RAB27B: variants seen among roughly 807,000 people sequenced by gnomAD.
RAB27B encodes the protein ras-related protein Rab-27B.
RAB27B carries 15 observed loss-of-function variants against 24.6 expected under a neutral mutation model. That is an observed-to-expected ratio of 0.61 (90% CI 0.41 to 0.94). The LOEUF (loss-of-function observed/expected upper bound fraction) is 0.94. Among genes scored for constraint, RAB27B ranks in the 40% least tolerant of loss-of-function variants. RAB27B has a pLI of 0.00. For synonymous variants in RAB27B, 105 were observed against 92.5 expected, an observed-to-expected ratio of 1.14 and a Z score of -0.78; for missense variants, 261 against 266.8, an observed-to-expected ratio of 0.98 and a Z score of 0.15.
intron 2 of RAB27B, among the ~76,000 whole-genome samples, chr18:54,752,214 A>G (rs188799773): frequency 1.3e-5 from 2 of 152,266 alleles, no homozygotes; most frequent in Admixed American, 6.5e-5. Context: ...ATAATTTTCT[A>G]TATATGGGCA....
chr18:54,771,626 G>A (rs925561089), intron 2 of RAB27B, among the ~76,000 whole-genome samples: 1 of 144,538 alleles, frequency 6.9e-6, no homozygotes, highest in Non-Finnish European at 1.5e-5. Flanking sequence ...GTGTGTGTGT[G>A]TGTGTGTGTG....
chr18:54,802,845 G>A (rs1015187546), intron 2 of RAB27B, among the ~76,000 whole-genome samples: 1 of 152,178 alleles, frequency 6.6e-6, no homozygotes, highest in Non-Finnish European at 1.5e-5. Flanking sequence ...GCTATGTCAA[G>A]TCTTTGTCAA....
chr18:54,783,650 G>A (rs764225735), intron 2 of RAB27B, among the ~76,000 whole-genome samples: 3 of 152,090 alleles, frequency 2.0e-5, no homozygotes, highest in Non-Finnish European at 2.9e-5. Flanking sequence ...GAGGATGCAC[G>A]GGTGTCTAAT....
At chr18:54,755,219 G>A (rs953073942) in intron 2 of RAB27B, among the ~76,000 whole-genome samples, 6 of 151,940 alleles carry the variant, frequency 3.9e-5, no homozygotes, top group African/African-American at 1.5e-4. Context: ...ATGAAACCCC[G>A]TCTCTACTAA....
rs1159058627 is a variant in RAB27B, at chr18:54,786,689, C to T, written c.-20+68548C>T. On this transcript the variant is annotated intron_variant, in intron 2 of 4. Transcript: ENST00000586570. ...AGTCATTGAAAATGTTAACATAATA[C>T]ATTTGAGAGATTTAAAATCACTATG... Among the ~76,000 whole-genome samples the T allele has an allele frequency of 2.6e-5, 4 of 152,086 alleles. No homozygotes were observed. The East Asian group carries it at 7.7e-4, about 29-fold the overall frequency.
chr18:54,869,280 A>G (rs1172217706), intron 1 of RAB27B, among the ~76,000 whole-genome samples: 1 of 152,228 alleles, frequency 6.6e-6, no homozygotes, highest in Non-Finnish European at 1.5e-5. Context: ...TAGCAGGGAA[A>G]TGCATGACAA....
intron 2 of RAB27B, among the ~76,000 whole-genome samples, chr18:54,799,662 C>G (rs1909539307): frequency 1.5e-5 from 2 of 135,616 alleles, no homozygotes; most frequent in Admixed American, 1.6e-4. Flanking sequence ...CAGAGTCTTG[C>G]TCTGCCACCC....
At chr18:54,807,989 G>A (rs1169160435) in intron 2 of RAB27B, among the ~76,000 whole-genome samples, 1 of 152,152 alleles carries the variant, frequency 6.6e-6, no homozygotes. Context: ...TTTGAAGCAG[G>A]AGTTAATTTT....
chr18:54,795,059 A>G (rs1051622266), intron 2 of RAB27B, among the ~76,000 whole-genome samples: 3 of 152,156 alleles, frequency 2.0e-5, no homozygotes, highest in Admixed American at 1.3e-4. Context: ...CAAATTTATC[A>G]TCTTTATACC....
chr18:54,881,852 A>G (rs907605989), intron 3 of RAB27B, among the ~76,000 whole-genome samples: 3 of 152,170 alleles, frequency 2.0e-5, no homozygotes, highest in Non-Finnish European at 4.4e-5. Context: ...TCACTACAGC[A>G]AGCATGTTTT....
rs869256244 is a variant in RAB27B, at chr18:54,799,614, A to ATTT, written c.-19-77921_-19-77919dup. Among the ~76,000 whole-genome samples the ATTT allele has an allele frequency of 7.4e-4, 50 of 67,574 alleles. 3 individuals are homozygous for ATTT. The highest frequency in any genetic ancestry group is 2.8e-3 in the African/African-American group (47 of 16,610). The allele number at this position is 67,574 out of a possible 152,430, so 44.3% of individuals were successfully genotyped here. A position where few individuals can be genotyped will look rare whatever the true frequency, so the allele number is the denominator to read the frequency against. On this transcript the variant is annotated intron_variant, in intron 2 of 4. Transcript: ENST00000586570. Reference sequence around the variant, plus strand: ...AAATATCAGAATATATAATAAAATGATTTTTTTTTTTTTTTTTTTTTTTTT... The same window carrying ATTT: ...AAATATCAGAATATATAATAAAATGATTTTTTTTTTTTTTTTTTTTTTTTTTTT...
intron 2 of RAB27B, among the ~76,000 whole-genome samples, chr18:54,776,934 A>T (rs1908734871): frequency 6.6e-6 from 1 of 152,120 alleles, no homozygotes; most frequent in Non-Finnish European, 1.5e-5. Context: ...AGTCTCAGCT[A>T]CTCGGGAGGT....
At chr18:54,776,859 A>C (rs2145081927) in intron 2 of RAB27B, among the ~76,000 whole-genome samples, 1 of 152,228 alleles carries the variant, frequency 6.6e-6, no homozygotes, top group South Asian at 2.1e-4. Flanking sequence ...AGCCTGGACA[A>C]CACGGCGAAA....
chr18:54,808,994 T>A (rs1218035747), intron 2 of RAB27B, among the ~76,000 whole-genome samples: 1 of 152,230 alleles, frequency 6.6e-6, no homozygotes, highest in Non-Finnish European at 1.5e-5. Flanking sequence ...AACTTTTCCT[T>A]AGGAAAGACA....
At chr18:54,836,590 T>G (rs972479927) in intron 1 of RAB27B, among the ~76,000 whole-genome samples, 1 of 152,018 alleles carries the variant, frequency 6.6e-6, no homozygotes, top group Admixed American at 6.6e-5. Context: ...ACAATTAAAA[T>G]TCATAAATAT....
At position 54,889,966 on chromosome 18, in the gene RAB27B, C is replaced by T. The variant is rs1488048099; in HGVS notation, c.*553C>T. Reference sequence around the variant, plus strand: ...AAGCTGTACTAGAATGAATAAATTACTGATAAGGTTACAAATAGGTAAATG... The same window carrying T: ...AAGCTGTACTAGAATGAATAAATTATTGATAAGGTTACAAATAGGTAAATG... On this transcript the variant is annotated 3_prime_UTR_variant, in exon 6 of 6. Transcript: ENST00000262094. 2 of 152,062 alleles carry T rather than the reference C, an allele frequency of 1.3e-5. No homozygotes were observed. Among genetic ancestry groups the T allele is most frequent in the African/African-American group, 4.8e-5 (2 of 41,424 alleles). 9.4% of individuals were successfully genotyped at this position (152,062 alleles called of 1,614,324 possible).
At chr18:54,814,754 T>C (rs993466102) in intron 2 of RAB27B, among the ~76,000 whole-genome samples, 1 of 152,236 alleles carries the variant, frequency 6.6e-6, no homozygotes. Context: ...ATCTTTTGAA[T>C]AGATATATTT....
intron 2 of RAB27B, among the ~76,000 whole-genome samples, chr18:54,740,382 T>C (rs1910036685): frequency 6.6e-6 from 1 of 152,198 alleles, no homozygotes. Context: ...AATCCTTACG[T>C]TGAATAAACA....
intron 2 of RAB27B, among the ~76,000 whole-genome samples, chr18:54,770,974 G>GT (rs1212120635): frequency 6.6e-6 from 1 of 152,130 alleles, no homozygotes; most frequent in Non-Finnish European, 1.5e-5. Context: ...TTTAGGTTCT[G>GT]TCCCTTTCTT....
Sources: allele counts gnomAD v4.1 joint callset (sites outside exome capture counted in the v4.1 genomes callset), GRCh38; gene constraint gnomAD v4.1.1; transcripts MANE v1.5; gene names NCBI Gene and HGNC (gene_info 2026-07-23, HGNC 2026-07-21).